Variants in SMYD3 observed in about 807,000 individuals in gnomAD.
SMYD3 encodes SET and MYND domain containing 3, also known as histone-lysine N-methyltransferase SMYD3.
A neutral mutation model predicts 57.7 loss-of-function variants in SMYD3; 36 were observed. The observed-to-expected ratio is 0.62, with a 90% CI of 0.48 to 0.82. The LOEUF (loss-of-function observed/expected upper bound fraction) is 0.82, where lower values mean the gene tolerates loss of function less well. Ranked by LOEUF, SMYD3 falls within the 40% of genes least tolerant of loss-of-function variation. SMYD3 has a pLI of 0.00. For synonymous variants in SMYD3, 211 were observed against 195.0 expected, an observed-to-expected ratio of 1.08 and a Z score of -0.68; for missense variants, 515 against 538.8, an observed-to-expected ratio of 0.96 and a Z score of 0.44.
chr1:246,158,585 G>T lies in SMYD3; in HGVS notation c.531+168616C>A, dbSNP rs149829020. 1.6e-3 allele frequency among the ~76,000 whole-genome samples: 244 copies of T among 152,158 alleles called. 1 individual carries two copies. The highest frequency in any genetic ancestry group is 5.4e-3 in the African/African-American group (226 of 41,508). ...ATTTACTCTTTTTTATAAAACTATT[G>T]ATTGAAAAATATGAAAAGGTAGAAG... On this transcript the variant is annotated intron_variant, in intron 5 of 11. Transcript: ENST00000490107.
At chr1:246,130,702 C>G (rs1214049310) in intron 5 of SMYD3, among the ~76,000 whole-genome samples, 1 of 152,162 alleles carries the variant, frequency 6.6e-6, no homozygotes, top group Non-Finnish European at 1.5e-5. Context: ...ACAGTTCTGA[C>G]CTTTTTGTAA....
chr1:246,059,625 A>G (rs1400213286), intron 5 of SMYD3, among the ~76,000 whole-genome samples: 5 of 152,172 alleles, frequency 3.3e-5, no homozygotes, highest in African/African-American at 1.2e-4. Flanking sequence ...GAACAGATGG[A>G]TTTAAGAAAA....
chr1:245,754,479 G>A (rs1333162479), intron 11 of SMYD3, among the ~76,000 whole-genome samples: 1 of 152,154 alleles, frequency 6.6e-6, no homozygotes, highest in African/African-American at 2.4e-5. Flanking sequence ...GAAAAGCAGA[G>A]GGTGGGGCAC....
chr1:246,194,829 A>C (rs540115634), intron 5 of SMYD3, among the ~76,000 whole-genome samples: 1 of 152,222 alleles, frequency 6.6e-6, no homozygotes, highest in African/African-American at 2.4e-5. Flanking sequence ...ACGGCACAAC[A>C]ATGATCTAAG....
chr1:246,275,228 T>C (rs1345829797), intron 5 of SMYD3, among the ~76,000 whole-genome samples: 1 of 152,248 alleles, frequency 6.6e-6, no homozygotes, highest in Admixed American at 6.5e-5. Context: ...TACTCAGCTC[T>C]GCTGCTGTAA....
intron 1 of SMYD3, among the ~76,000 whole-genome samples, chr1:246,481,784 T>G (rs10754518): frequency 0.65 from 95,428 of 147,506 alleles, 30,854 homozygotes; most frequent in Admixed American, 0.72. Flanking sequence ...TATATATATA[T>G]AGAGAGAGAG....
At chr1:245,818,148 A>C (rs1161402030) in intron 10 of SMYD3, among the ~76,000 whole-genome samples, 1 of 152,194 alleles carries the variant, frequency 6.6e-6, no homozygotes, top group Non-Finnish European at 1.5e-5. Context: ...AGCCAGAGAG[A>C]AAGATCGGGT....
intron 5 of SMYD3, among the ~76,000 whole-genome samples, chr1:246,297,288 T>C (rs2064814011): frequency 1.3e-5 from 2 of 152,140 alleles, no homozygotes; most frequent in African/African-American, 4.8e-5. Flanking sequence ...AAGAGGAGTT[T>C]CATTAAGGAA....
intron 5 of SMYD3, among the ~76,000 whole-genome samples, chr1:245,966,054 A>G (rs969202249): frequency 6.6e-6 from 1 of 152,200 alleles, no homozygotes; most frequent in African/African-American, 2.4e-5. Flanking sequence ...TCAAATAAAA[A>G]GTTTATTAAT....
intron 5 of SMYD3, among the ~76,000 whole-genome samples, chr1:245,983,445 T>A (rs2058641295): frequency 6.6e-6 from 1 of 152,224 alleles, no homozygotes; most frequent in East Asian, 1.9e-4. Flanking sequence ...ACGCATTTGA[T>A]GAGATCAAAA....
intron 5 of SMYD3, among the ~76,000 whole-genome samples, chr1:246,217,703 A>C (rs1343967844): frequency 6.6e-6 from 1 of 152,156 alleles, no homozygotes; most frequent in African/African-American, 2.4e-5. Context: ...GGATAAAGAA[A>C]ATTTTTTAAT....
intron 10 of SMYD3, among the ~76,000 whole-genome samples, 194 bp downstream of exon 10, chr1:245,858,302 T>C (rs950205023): frequency 6.6e-6 from 1 of 152,226 alleles, no homozygotes; most frequent in African/African-American, 2.4e-5. Context: ...GAAGGAACTT[T>C]ACAAATGATG....
intron 5 of SMYD3, among the ~76,000 whole-genome samples, chr1:246,262,675 C>T (rs550503093): frequency 6.6e-6 from 1 of 152,056 alleles, no homozygotes; most frequent in Admixed American, 6.6e-5. Context: ...TCTCTGACAC[C>T]TAGCACAGTA....
chr1:246,452,035 C>A (rs944260009), intron 1 of SMYD3, among the ~76,000 whole-genome samples: 2 of 152,136 alleles, frequency 1.3e-5, no homozygotes, highest in Non-Finnish European at 2.9e-5. Context: ...ATTAAGACAG[C>A]AGGACTAAAT....
intron 5 of SMYD3, among the ~76,000 whole-genome samples, chr1:245,939,364 A>G (rs534783492): frequency 1.8e-4 from 27 of 152,256 alleles, no homozygotes; most frequent in East Asian, 3.9e-4. Flanking sequence ...CATGGTTCAC[A>G]CCTGTAATCC....
At position 245,876,809 on chromosome 1, in the gene SMYD3, G is replaced by A. The variant is rs895030836; in HGVS notation, c.814-12923C>T. 2.0e-5 allele frequency among the ~76,000 whole-genome samples: 3 copies of A among 152,228 alleles called. No homozygotes were observed. The East Asian group carries it at 5.8e-4, about 29-fold the overall frequency. On this transcript the variant is annotated intron_variant, in intron 8 of 11. Transcript: ENST00000490107. ...AACAAATGTATCATTTCTAAATACC[G>A]CACGTGATAACAGAGAGGTAAGCCC...
intron 5 of SMYD3, among the ~76,000 whole-genome samples, chr1:246,104,142 G>A (rs1199281278): frequency 2.0e-5 from 3 of 152,150 alleles, no homozygotes; most frequent in African/African-American, 7.2e-5. Context: ...ATATTCACTG[G>A]CTGAGATAAG....
chr1:246,131,026 C>T (rs190432485), intron 5 of SMYD3, among the ~76,000 whole-genome samples: 230 of 152,282 alleles, frequency 1.5e-3, no homozygotes, highest in African/African-American at 5.1e-3. Context: ...AAAGTCCTTT[C>T]CATGGGCTCA....
chr1:246,303,286 T>G (rs1247459631), intron 5 of SMYD3, among the ~76,000 whole-genome samples: 2 of 152,172 alleles, frequency 1.3e-5, no homozygotes, highest in African/African-American at 4.8e-5. Flanking sequence ...GGCCCCAAGA[T>G]TCCTGCACCC....
Sources: gnomAD v4.1 joint callset for allele counts (sites outside exome capture counted in the v4.1 genomes callset) on GRCh38, gnomAD v4.1.1 for gene constraint, MANE v1.5 for transcripts, NCBI Gene and HGNC (gene_info 2026-07-23, HGNC 2026-07-21) for gene names.